Variants in TRIM5 observed in about 807,000 individuals in gnomAD.
TRIM5 encodes the protein tripartite motif containing 5.
In TRIM5, 31 loss-of-function variants were observed where a neutral mutation model predicts 35.6. The ratio of observed to expected loss-of-function variants is 0.87; its 90% CI spans 0.65 to 1.18. TRIM5 has a LOEUF of 1.18. Among genes scored for constraint, TRIM5 ranks in the 50% most tolerant of loss-of-function variants. The probability of loss-of-function intolerance (pLI) is 0.00; values close to 1 mark genes in which losing one functional copy is unlikely to be tolerated. For missense variants in TRIM5, 609 were observed against 591.6 expected, an observed-to-expected ratio of 1.03 and a Z score of -0.31; for synonymous variants, 243 against 215.6, an observed-to-expected ratio of 1.13 and a Z score of -1.11.
the TRIM5 span, chr11:5,634,801 G>A: frequency 6.2e-7 from 1 of 1,613,706 alleles, no homozygotes; most frequent in Non-Finnish European, 8.5e-7. Context: ...AGCAGTTGGT[G>A]AGAGAGCTCA....
chr11:5,608,529 A>T, the TRIM5 span: 1 of 1,376,022 alleles, frequency 7.3e-7, no homozygotes. Context: ...CATCACATGG[A>T]GTTTTGGCAT....
chr11:5,614,129 G>GTGAT, the TRIM5 span, among the ~76,000 whole-genome samples: 2 of 152,192 alleles, frequency 1.3e-5, no homozygotes, highest in African/African-American at 4.8e-5. Flanking sequence ...TTCTTGACAT[G>GTGAT]TGATAGAGTA....
the TRIM5 span, among the ~76,000 whole-genome samples, chr11:5,613,418 A>G: frequency 6.6e-6 from 1 of 152,192 alleles, no homozygotes; most frequent in East Asian, 1.9e-4. Flanking sequence ...TTATAGTAAA[A>G]GCTCACTACT....
At chr11:5,611,302 A>G in the TRIM5 span, 5 of 1,614,022 alleles carry the variant, frequency 3.1e-6, no homozygotes, top group Admixed American at 3.3e-5. Flanking sequence ...AATCCTTGCA[A>G]CTGTGTAATT....
At chr11:5,662,090 C>A (rs1850846954), downstream of TRIM5, among the ~76,000 whole-genome samples, 1 of 152,190 alleles carries the variant, frequency 6.6e-6, no homozygotes, top group South Asian at 2.1e-4. Flanking sequence ...ATAGCATCAA[C>A]CTCCTCGGTT....
the TRIM5 span, chr11:5,612,058 TTTAC>T: frequency 6.6e-6 from 1 of 152,220 alleles, no homozygotes; most frequent in Non-Finnish European, 1.5e-5. Flanking sequence ...AGTACATTGA[TTTAC>T]TTCAATTTGT....
chr11:5,682,871 C>T (rs888075164), intron 1 of TRIM5, among the ~76,000 whole-genome samples: 13 of 152,252 alleles, frequency 8.5e-5, no homozygotes, highest in African/African-American at 2.2e-4. Context: ...TTCAGCCCAC[C>T]GCTGCACTGT....
rs562356635 is a variant in TRIM5 at position 5,678,304 on chromosome 11, G to C, written c.644C>G (p.Thr215Arg). 13 of 1,614,084 alleles carry C rather than the reference G, an allele frequency of 8.1e-6. 1 individual carries two copies. The Admixed American group carries it at 1.7e-4, about 21-fold the overall frequency. ...KEEEDILKSL[T>R]NSETEMVQQT... ...CTGCACCATCTCAGTTTCAGAGTTC[G>C]TAAGGCTTTTCAGAATGTCTTCCTC... is the stretch of plus-strand genomic sequence containing the variant. Residue 215 changes from threonine (T) to arginine (R), a missense_variant, in exon 4 of 8, where the codon ACG (threonine) becomes AGG (arginine). By Grantham distance (71) the Thr-to-Arg change is moderately conservative (BLOSUM62 -1). Coordinates refer to ENST00000380034, the MANE Select transcript of TRIM5 (RefSeq NM_033034.3).
intron 3 of TRIM5, 85 bp from the exon 4 acceptor site, chr11:5,678,519 G>A (rs1852170875): frequency 9.0e-7 from 1 of 1,116,118 alleles, no homozygotes; most frequent in African/African-American, 1.6e-5. Flanking sequence ...CTTTTGGGGA[G>A]TTCTCACAAG....
Position 5,664,530 on chromosome 11 carries a change from G to A in TRIM5, c.*279C>T, listed in dbSNP as rs775454670. The A allele has an allele frequency of 8.9e-7, 1 of 1,126,696 alleles. No homozygotes were observed. Among genetic ancestry groups the A allele is most frequent in the Non-Finnish European group, 1.1e-6 (1 of 919,256 alleles). 69.8% of individuals were successfully genotyped at this position (1,126,696 alleles called of 1,614,324 possible). On this transcript the variant is annotated 3_prime_UTR_variant, in exon 8 of 8. Transcript: ENST00000380034. ...ATTGGGTGATAAATATCTGGCAGAA[G>A]TAATACCTAAATAGCGGTCTCATTT...
chr11:5,603,555 C>T, the TRIM5 span: 5 of 1,613,866 alleles, frequency 3.1e-6, no homozygotes, highest in Admixed American at 5.0e-5. Context: ...TGAGGCGGCT[C>T]AGAGAGGTAG....
At chr11:5,610,009 C>A in the TRIM5 span, 5 of 794,284 alleles carry the variant, frequency 6.3e-6, no homozygotes, top group South Asian at 1.8e-5. Context: ...AGTGCCAGGG[C>A]TGTTTGCAGA....
At chr11:5,602,163 G>A in the TRIM5 span, among the ~76,000 whole-genome samples, 4 of 152,164 alleles carry the variant, frequency 2.6e-5, no homozygotes, top group South Asian at 4.1e-4. Context: ...AAAATAGACC[G>A]GGTGCAGTGG....
chr11:5,660,040 G>A (rs1850761535), downstream of TRIM5, among the ~76,000 whole-genome samples: 2 of 151,930 alleles, frequency 1.3e-5, no homozygotes, highest in African/African-American at 4.8e-5. Context: ...GCAGTGGCGA[G>A]ATCTCGGCTC....
At chr11:5,615,840 G>A in the TRIM5 span, among the ~76,000 whole-genome samples, 84 of 151,650 alleles carry the variant, frequency 5.5e-4, no homozygotes, top group African/African-American at 1.9e-3. Flanking sequence ...TGATCCACCC[G>A]CCTCGGCCTC....
chr11:5,659,103 T>C (rs545373770), downstream of TRIM5, among the ~76,000 whole-genome samples: 2 of 152,210 alleles, frequency 1.3e-5, no homozygotes, highest in East Asian at 3.9e-4. Context: ...TATACATATG[T>C]AACAAACCTG....
chr11:5,591,381 G>A, the TRIM5 span, among the ~76,000 whole-genome samples: 2 of 152,206 alleles, frequency 1.3e-5, no homozygotes, highest in Non-Finnish European at 2.9e-5. Context: ...GGGCGTGGTG[G>A]CTCACACCTG....
intron 1 of TRIM5, among the ~76,000 whole-genome samples, chr11:5,682,867 C>T (rs1248959440): frequency 6.6e-6 from 1 of 152,246 alleles, no homozygotes; most frequent in Non-Finnish European, 1.5e-5. Context: ...GCTCTTCAGC[C>T]CACCGCTGCA....
chr11:5,633,791 T>G, the TRIM5 span: 1 of 1,612,112 alleles, frequency 6.2e-7, no homozygotes, highest in East Asian at 2.2e-5. Flanking sequence ...GTAGTGTGAT[T>G]CCCTTCTCAT....
Sources: gnomAD v4.1 joint callset for allele counts (sites outside exome capture counted in the v4.1 genomes callset) on GRCh38, gnomAD v4.1.1 for gene constraint, MANE v1.5 for transcripts, NCBI Gene and HGNC (gene_info 2026-07-23, HGNC 2026-07-21) for gene names.